CADM2: variants seen among roughly 807,000 people sequenced by gnomAD.
CADM2 encodes the protein immunoglobulin superfamily member 4D.
A neutral mutation model predicts 49.8 loss-of-function variants in CADM2; 12 were observed. That is an observed-to-expected ratio of 0.24 (90% CI 0.15 to 0.39). The LOEUF is 0.39. Among genes scored for constraint, CADM2 ranks in the 10% least tolerant of loss-of-function variants. The pLI, the probability that CADM2 is intolerant of heterozygous loss-of-function variation, is 1.00. For synonymous variants in CADM2, 214 were observed against 175.4 expected (o/e 1.22, Z -1.74); for missense variants, 378 against 492.3 (o/e 0.77, Z 2.20).
chr3:85,515,631 ATTTT>A (rs1553734357), intron 1 of CADM2, among the ~76,000 whole-genome samples: 1 of 118,408 alleles, frequency 8.4e-6, no homozygotes, highest in Admixed American at 9.4e-5. Flanking sequence ...ATATATATAT[ATTTT>A]TTTTTTTTGT....
At chr3:84,994,851 AC>A (rs1035743691) in intron 1 of CADM2, among the ~76,000 whole-genome samples, 5 of 152,118 alleles carry the variant, frequency 3.3e-5, no homozygotes, top group African/African-American at 1.2e-4. Context: ...ACACAGTGAA[AC>A]CGTGTCTCTA....
chr3:85,798,801 T>A (rs2071795058), intron 2 of CADM2, among the ~76,000 whole-genome samples: 1 of 152,200 alleles, frequency 6.6e-6, no homozygotes, highest in African/African-American at 2.4e-5. Flanking sequence ...TTTCTAATTC[T>A]GTGAAGCAAG....
chr3:85,379,479 T>C (rs1165636679), intron 1 of CADM2, among the ~76,000 whole-genome samples: 1 of 152,064 alleles, frequency 6.6e-6, no homozygotes, highest in Non-Finnish European at 1.5e-5. Flanking sequence ...GACTGGTTTT[T>C]AGGCTTGAGA....
chr3:85,949,074 G>A (rs927922979), intron 7 of CADM2, among the ~76,000 whole-genome samples: 2 of 151,386 alleles, frequency 1.3e-5, no homozygotes, highest in Non-Finnish European at 3.0e-5. Flanking sequence ...AAATATAACA[G>A]CAATGAAGCT....
At chr3:85,431,072 C>T (rs1284222490) in intron 1 of CADM2, among the ~76,000 whole-genome samples, 1 of 152,124 alleles carries the variant, frequency 6.6e-6, no homozygotes, top group Non-Finnish European at 1.5e-5. Flanking sequence ...CACATTTTTA[C>T]TGTACCTTTT....
intron 1 of CADM2, among the ~76,000 whole-genome samples, chr3:84,982,609 A>C (rs2032245767): frequency 6.7e-6 from 1 of 150,266 alleles, no homozygotes; most frequent in Non-Finnish European, 1.5e-5. Context: ...TTTCCTAAAA[A>C]TAAAATAGAT....
chr3:85,153,303 C>G (rs2039992226), intron 1 of CADM2, among the ~76,000 whole-genome samples: 1 of 152,120 alleles, frequency 6.6e-6, no homozygotes, highest in Non-Finnish European at 1.5e-5. Flanking sequence ...GTTCCCTTTC[C>G]TAGTCAAAGA....
intron 1 of CADM2, among the ~76,000 whole-genome samples, chr3:85,418,633 A>T (rs2036017961): frequency 6.6e-6 from 1 of 152,178 alleles, no homozygotes; most frequent in Non-Finnish European, 1.5e-5. Flanking sequence ...CATTTTATTT[A>T]AAAGAAAAAT....
intron 1 of CADM2, among the ~76,000 whole-genome samples, chr3:85,175,318 A>G (rs1349372743): frequency 6.6e-6 from 1 of 152,192 alleles, no homozygotes; most frequent in Non-Finnish European, 1.5e-5. Context: ...AGATATTTAT[A>G]TGCTCATTAT....
At chr3:85,988,476 A>G (rs953874286) in intron 8 of CADM2, among the ~76,000 whole-genome samples, 8 of 152,202 alleles carry the variant, frequency 5.3e-5, no homozygotes, top group African/African-American at 1.9e-4. Flanking sequence ...AAATAAAGAA[A>G]TATATCTATT....
chr3:85,945,257 A>T (rs1722513224), intron 7 of CADM2, among the ~76,000 whole-genome samples: 1 of 152,132 alleles, frequency 6.6e-6, no homozygotes, highest in South Asian at 2.1e-4. Flanking sequence ...ATAGACCAAT[A>T]ACAGGCTCTG....
intron 1 of CADM2, among the ~76,000 whole-genome samples, chr3:85,226,386 C>G (rs1480780162): frequency 1.3e-5 from 2 of 151,938 alleles, no homozygotes; most frequent in Non-Finnish European, 1.5e-5. Flanking sequence ...TCCATTTCTT[C>G]TAGACTTTGT....
intron 1 of CADM2, among the ~76,000 whole-genome samples, chr3:85,467,398 ATAT>A (rs2038545702): frequency 1.3e-5 from 2 of 152,324 alleles, no homozygotes; most frequent in South Asian, 2.1e-4. Context: ...AATGCATAAC[ATAT>A]TATAATATGG....
At chr3:85,572,935 T>C (rs934901610) in intron 1 of CADM2, among the ~76,000 whole-genome samples, 8 of 152,156 alleles carry the variant, frequency 5.3e-5, no homozygotes, top group Non-Finnish European at 1.2e-4. Flanking sequence ...ACTAGCTTTC[T>C]AGGTATTTCT....
chr3:85,818,350 G>A lies in CADM2; in HGVS notation c.238+16154G>A, dbSNP rs527668787. On this transcript the variant is annotated intron_variant, in intron 3 of 9. Transcript: ENST00000383699. ...ATGTATGAAAGAGGCTCTCCCACCTGCAGGGCTGCCTCTGAGTCTGTGCGA... is the reference window on the plus strand; with the variant it reads ...ATGTATGAAAGAGGCTCTCCCACCTACAGGGCTGCCTCTGAGTCTGTGCGA... Among the ~76,000 whole-genome samples, 5 of 152,238 alleles carry A rather than the reference G, an allele frequency of 3.3e-5. No individual in the cohort carries two copies. In the South Asian group the frequency reaches 8.3e-4, roughly 25 times the overall value.
chr3:85,951,788 T>C (rs184809125), intron 7 of CADM2, among the ~76,000 whole-genome samples: 7 of 151,172 alleles, frequency 4.6e-5, no homozygotes, highest in African/African-American at 1.7e-4. Flanking sequence ...ATTTACCTTC[T>C]CCTTTTTCTT....
intron 1 of CADM2, among the ~76,000 whole-genome samples, chr3:85,711,922 A>G (rs1262498610): frequency 6.6e-6 from 1 of 152,194 alleles, no homozygotes; most frequent in Non-Finnish European, 1.5e-5. Context: ...TGAGCTTCAT[A>G]TTAGAAGTCA....
chr3:85,585,412 A>G (rs2062914103), intron 1 of CADM2, among the ~76,000 whole-genome samples: 1 of 151,922 alleles, frequency 6.6e-6, no homozygotes, highest in Non-Finnish European at 1.5e-5. Context: ...ATATGTATAT[A>G]TATATCTTGT....
At chr3:85,162,566 T>TA (rs1003037626) in intron 1 of CADM2, among the ~76,000 whole-genome samples, 3 of 151,694 alleles carry the variant, frequency 2.0e-5, no homozygotes, top group Admixed American at 6.6e-5. Context: ...TGTCTACCAT[T>TA]AAAAAAAATA....
Sources: gnomAD v4.1 joint callset for allele counts (sites outside exome capture counted in the v4.1 genomes callset) on GRCh38, gnomAD v4.1.1 for gene constraint, MANE v1.5 for transcripts, NCBI Gene and HGNC (gene_info 2026-07-23, HGNC 2026-07-21) for gene names.